Variants in OTUD7A observed in about 807,000 individuals in gnomAD.
OTUD7A encodes OTU deubiquitinase 7A, also known as OTU domain-containing protein 7A.
OTUD7A carries 12 observed loss-of-function variants against 65.7 expected under a neutral mutation model. The observed-to-expected ratio is 0.18, with a 90% CI of 0.12 to 0.30. OTUD7A has a LOEUF of 0.30. Among genes scored for constraint, OTUD7A ranks in the 10% least tolerant of loss-of-function variants. OTUD7A has a pLI of 1.00. For synonymous variants in OTUD7A, 641 were observed against 586.3 expected (o/e 1.09, Z -1.35); for missense variants, 1,148 against 1,304.8 (o/e 0.88, Z 1.85).
chr15:31,671,505 G>A (rs528342596), intron 1 of OTUD7A, among the ~76,000 whole-genome samples: 3 of 152,226 alleles, frequency 2.0e-5, no homozygotes, highest in South Asian at 2.1e-4. Context: ...TGACACACAC[G>A]TTTAAAAGGT....
At chr15:31,626,292 C>CA (rs1240340648) in intron 3 of OTUD7A, among the ~76,000 whole-genome samples, 1 of 151,798 alleles carries the variant, frequency 6.6e-6, no homozygotes, top group Non-Finnish European at 1.5e-5. Context: ...TTGAAATATA[C>CA]AAAAAATTAG....
At chr15:31,760,185 C>A (rs1894923471) in intron 1 of OTUD7A, among the ~76,000 whole-genome samples, 1 of 152,030 alleles carries the variant, frequency 6.6e-6, no homozygotes, top group Non-Finnish European at 1.5e-5. Context: ...GCTTCTGTAC[C>A]CTCATCCTTC....
chr15:31,572,559 TAAG>T (rs1889085775), intron 3 of OTUD7A, among the ~76,000 whole-genome samples: 1 of 152,214 alleles, frequency 6.6e-6, no homozygotes, highest in Non-Finnish European at 1.5e-5. Context: ...TTCATTGTCT[TAAG>T]AGGCAGTGGA....
chr15:31,510,281 G>C (rs1290025391), intron 8 of OTUD7A, among the ~76,000 whole-genome samples: 1 of 151,802 alleles, frequency 6.6e-6, no homozygotes, highest in South Asian at 2.1e-4. Context: ...TTCTTTCTGC[G>C]ACAGTCCCCG....
intron 1 of OTUD7A, among the ~76,000 whole-genome samples, chr15:31,781,830 C>T (rs529315778): frequency 1.3e-5 from 2 of 152,310 alleles, no homozygotes; most frequent in Admixed American, 1.3e-4. Flanking sequence ...GATAAATACC[C>T]TCACATATAC....
intron 1 of OTUD7A, among the ~76,000 whole-genome samples, chr15:31,660,514 G>T (rs542044888): frequency 1.3e-5 from 2 of 152,210 alleles, no homozygotes; most frequent in Non-Finnish European, 2.9e-5. Flanking sequence ...ATTCATATGC[G>T]TAGAGCACAT....
chr15:31,732,283 C>T (rs566029030), intron 1 of OTUD7A, among the ~76,000 whole-genome samples: 9 of 152,298 alleles, frequency 5.9e-5, no homozygotes, highest in East Asian at 1.9e-4. Context: ...GGTACACATG[C>T]GCAGAGCTGG....
chr15:31,575,816 A>T (rs1310419331), intron 3 of OTUD7A, among the ~76,000 whole-genome samples: 1 of 152,224 alleles, frequency 6.6e-6, no homozygotes, highest in African/African-American at 2.4e-5. Context: ...TGTGCCCACA[A>T]GCGGGAGGCA....
chr15:31,515,096 A>C (rs1375209150), intron 8 of OTUD7A, among the ~76,000 whole-genome samples: 1 of 152,116 alleles, frequency 6.6e-6, no homozygotes, highest in Non-Finnish European at 1.5e-5. Context: ...ACAGGGGGAG[A>C]GAATATGGAG....
chr15:31,549,421 T>A (rs1048397027), intron 5 of OTUD7A, among the ~76,000 whole-genome samples: 1 of 152,186 alleles, frequency 6.6e-6, no homozygotes, highest in African/African-American at 2.4e-5. Context: ...TCCTGTGTCA[T>A]CCCTTTCCCT....
At chr15:31,752,856 A>G (rs941081490) in intron 1 of OTUD7A, among the ~76,000 whole-genome samples, 1 of 152,166 alleles carries the variant, frequency 6.6e-6, no homozygotes, top group Non-Finnish European at 1.5e-5. Flanking sequence ...TTTGTCAGTC[A>G]TTCTTTCAGG....
At chr15:31,496,253 G>A (rs536814106) in intron 10 of OTUD7A, among the ~76,000 whole-genome samples, 65 of 148,806 alleles carry the variant, frequency 4.4e-4, no homozygotes, top group Non-Finnish European at 8.4e-4. Context: ...ATGGAGTCTC[G>A]CTCTGTCGCC....
rs573087461 is a variant in OTUD7A, at chr15:31,817,475, T to C, written c.-100+53032A>G. On this transcript the variant is annotated intron_variant, in intron 1 of 12. Coordinates refer to ENST00000307050, the MANE Select transcript of OTUD7A (RefSeq NM_001382637.1). ...TTGTGCTCCATCCAGAAATTCAATA[T>C]AATTTATGGACTAGAATGAATTCTA... is the stretch of plus-strand genomic sequence containing the variant. Among the ~76,000 whole-genome samples, 10 of 152,274 alleles carry C rather than the reference T, an allele frequency of 6.6e-5. No homozygotes were observed. The East Asian group carries it at 1.7e-3, about 26-fold the overall frequency.
intron 1 of OTUD7A, among the ~76,000 whole-genome samples, chr15:31,774,924 G>T (rs535559171): frequency 9.5e-5 from 14 of 148,026 alleles, no homozygotes; most frequent in Non-Finnish European, 2.1e-4. Flanking sequence ...ATCTCATCAG[G>T]CAAGGACGAC....
chr15:31,803,796 C>G (rs1409903563), intron 1 of OTUD7A, among the ~76,000 whole-genome samples: 1 of 152,196 alleles, frequency 6.6e-6, no homozygotes, highest in Non-Finnish European at 1.5e-5. Context: ...AACAAACAGC[C>G]CTGGTGGGGT....
At chr15:31,782,842 G>C (rs1256895432) in intron 1 of OTUD7A, among the ~76,000 whole-genome samples, 1 of 152,170 alleles carries the variant, frequency 6.6e-6, no homozygotes, top group Non-Finnish European at 1.5e-5. Flanking sequence ...CTGACAGCAG[G>C]ATCAGAGGTC....
At chr15:31,808,492 C>T (rs899953313) in intron 1 of OTUD7A, among the ~76,000 whole-genome samples, 1 of 152,148 alleles carries the variant, frequency 6.6e-6, no homozygotes, top group African/African-American at 2.4e-5. Flanking sequence ...TGAGTTGTAC[C>T]GTTGTTCTTG....
At chr15:31,847,626 C>T (rs964034283) in intron 1 of OTUD7A, among the ~76,000 whole-genome samples, 5 of 152,252 alleles carry the variant, frequency 3.3e-5, no homozygotes, top group African/African-American at 1.2e-4. Flanking sequence ...CTGATAATGT[C>T]GTGACCATGA....
At position 31,750,850 on chromosome 15, in the gene OTUD7A, G is replaced by C. The variant is rs915989115; in HGVS notation, c.-99-93773C>G. On this transcript the variant is annotated intron_variant, in intron 1 of 12. Coordinates refer to ENST00000307050, the MANE Select transcript of OTUD7A (RefSeq NM_001382637.1). ...AAAGGACTCCCTTATTCAACAAATG[G>C]TGCTGGGAAAACTGGTTAGCCATAT... Among the ~76,000 whole-genome samples the C allele has an allele frequency of 7.2e-5, 11 of 152,154 alleles. No homozygotes were observed. In the East Asian group the frequency reaches 2.1e-3, roughly 29 times the overall value.
Sources: allele counts gnomAD v4.1 joint callset (sites outside exome capture counted in the v4.1 genomes callset), GRCh38; gene constraint gnomAD v4.1.1; transcripts MANE v1.5; gene names NCBI Gene and HGNC (gene_info 2026-07-23, HGNC 2026-07-21).